Variants in LIMCH1 observed in about 807,000 individuals in gnomAD.
LIMCH1 encodes the protein LIM and calponin homology domains 1.
A neutral mutation model predicts 176.5 loss-of-function variants in LIMCH1; 113 were observed. The observed-to-expected ratio is 0.64, with a 90% CI of 0.55 to 0.75. The LOEUF (loss-of-function observed/expected upper bound fraction) is 0.75, where lower values mean the gene tolerates loss of function less well. Among genes scored for constraint, LIMCH1 ranks in the 30% least tolerant of loss-of-function variants. The pLI, the probability that LIMCH1 is intolerant of heterozygous loss-of-function variation, is 0.00. For synonymous variants in LIMCH1, 619 were observed against 645.9 expected (o/e 0.96, Z 0.63); for missense variants, 1,674 against 1,814.9 (o/e 0.92, Z 1.41).
intron 31 of LIMCH1, among the ~76,000 whole-genome samples, chr4:41,696,687 C>T (rs941674826): frequency 1.3e-5 from 2 of 152,038 alleles, no homozygotes; most frequent in Non-Finnish European, 2.9e-5. Flanking sequence ...CTGGGTATTG[C>T]GTATTTATAC....
chr4:41,685,608 TATA>T (rs1720084456), intron 27 of LIMCH1, 99 bp from the exon 28 acceptor site: 14 of 1,395,710 alleles, frequency 1.0e-5, no homozygotes, highest in Non-Finnish European at 1.4e-5. Context: ...ATGAAATCGC[TATA>T]AAACCTCAAC....
chr4:41,662,277 T>C (rs2094650349), intron 19 of LIMCH1, among the ~76,000 whole-genome samples: 2 of 152,206 alleles, frequency 1.3e-5, no homozygotes, highest in African/African-American at 4.8e-5. Context: ...GGTAGTGACT[T>C]TTCCACCCCT....
chr4:41,504,712 C>T (rs2073919171), intron 2 of LIMCH1, among the ~76,000 whole-genome samples: 1 of 152,210 alleles, frequency 6.6e-6, no homozygotes, highest in Admixed American at 6.5e-5. Flanking sequence ...CCCTTATTCT[C>T]TGGTTTGCTT....
At chr4:41,657,008 G>A (rs2094483117) in intron 18 of LIMCH1, among the ~76,000 whole-genome samples, 1 of 152,016 alleles carries the variant, frequency 6.6e-6, no homozygotes, top group South Asian at 2.1e-4. Context: ...CAGATGCCAG[G>A]TAGGCTTTGG....
chr4:41,678,424 G>T (rs1442924956), intron 23 of LIMCH1, among the ~76,000 whole-genome samples: 1 of 152,088 alleles, frequency 6.6e-6, no homozygotes, highest in Non-Finnish European at 1.5e-5. Context: ...AAATCTGGGG[G>T]CTACTGGGAT....
chr4:41,400,842 A>T (rs568156563), intron 1 of LIMCH1, among the ~76,000 whole-genome samples: 2 of 152,298 alleles, frequency 1.3e-5, no homozygotes, highest in East Asian at 3.9e-4. Flanking sequence ...ATAGCCAAAT[A>T]TATTTAAGTG....
At chr4:41,683,101 G>C (rs926170214) in intron 26 of LIMCH1, among the ~76,000 whole-genome samples, 1 of 152,154 alleles carries the variant, frequency 6.6e-6, no homozygotes, top group Non-Finnish European at 1.5e-5. Flanking sequence ...AATGTGTCTG[G>C]AGTGATAGAA....
chr4:41,666,025 A>G (rs1323758557), intron 20 of LIMCH1, among the ~76,000 whole-genome samples: 2 of 152,248 alleles, frequency 1.3e-5, no homozygotes, highest in Non-Finnish European at 2.9e-5. Context: ...GTTGTTTATA[A>G]TAATGTTTCT....
At chr4:41,552,765 C>G (rs2080652889) in intron 1 of LIMCH1, among the ~76,000 whole-genome samples, 1 of 152,042 alleles carries the variant, frequency 6.6e-6, no homozygotes, top group Non-Finnish European at 1.5e-5. Flanking sequence ...CTGCTAGGCT[C>G]TGCATTTTAT....
intron 1 of LIMCH1, among the ~76,000 whole-genome samples, chr4:41,564,611 A>G (rs761381842): frequency 7.2e-5 from 11 of 152,316 alleles, no homozygotes; most frequent in African/African-American, 1.2e-4. Context: ...GAAACTTCCC[A>G]GGGACTTCCA....
chr4:41,372,163 C>T (rs984033145), intron 1 of LIMCH1, among the ~76,000 whole-genome samples: 4 of 152,194 alleles, frequency 2.6e-5, no homozygotes, highest in Admixed American at 6.5e-5. Flanking sequence ...GCAGCAGTCT[C>T]GGTCTTTCCT....
At chr4:41,571,620 G>T (rs1257263604) in intron 1 of LIMCH1, among the ~76,000 whole-genome samples, 1 of 152,094 alleles carries the variant, frequency 6.6e-6, no homozygotes. Context: ...TGTTCCACTG[G>T]GTGATCAACA....
chr4:41,604,754 T>G (rs1039276349), intron 3 of LIMCH1, among the ~76,000 whole-genome samples: 1 of 152,176 alleles, frequency 6.6e-6, no homozygotes, highest in Admixed American at 6.5e-5. Context: ...TTTGAATCTC[T>G]GGAAATTTAT....
chr4:41,644,616 A>G lies in LIMCH1; in HGVS notation c.2243A>G (p.Lys748Arg). Residue 748 changes from lysine (K) to arginine (R), a missense_variant, in exon 15 of 32, where the codon AAA becomes AGA. Around this residue, in one of 3 missense-constraint regions of LIMCH1, gnomAD observed 1,015 missense variants for 1,102.5 expected, o/e 0.92. Coordinates refer to ENST00000503057, the MANE Select transcript of LIMCH1 (RefSeq NM_001330672.2). ...INNQLREEDD[K>R]WQDDLARWKS... The stretch of plus-strand genomic sequence containing the variant: ...AACCAGCTGAGGGAAGAGGACGACA[A>G]ATGGCAAGATGTGAGTTGTGGCCAA... 6.2e-7 allele frequency: 1 copy of G among 1,611,522 alleles called. No homozygotes were observed. The highest frequency in any genetic ancestry group is 1.1e-5 in the South Asian group (1 of 90,540).
At chr4:41,636,293 A>G (rs1383478704) in intron 13 of LIMCH1, among the ~76,000 whole-genome samples, 1 of 144,550 alleles carries the variant, frequency 6.9e-6, no homozygotes, top group Non-Finnish European at 1.5e-5. Context: ...TTTTTACCTC[A>G]TAACCTATTG....
chr4:41,397,818 A>T (rs557898183), intron 1 of LIMCH1, among the ~76,000 whole-genome samples: 14 of 152,262 alleles, frequency 9.2e-5, no homozygotes, highest in African/African-American at 3.4e-4. Flanking sequence ...TGACATATGT[A>T]TTGACATTTA....
At chr4:41,404,428 C>CA (rs2154119500) in intron 1 of LIMCH1, among the ~76,000 whole-genome samples, 1 of 152,226 alleles carries the variant, frequency 6.6e-6, no homozygotes, top group African/African-American at 2.4e-5. Context: ...AAGGTGGGGG[C>CA]AGTGCCAACC....
chr4:41,662,349 T>C (rs1026711345), intron 19 of LIMCH1, among the ~76,000 whole-genome samples: 1 of 152,214 alleles, frequency 6.6e-6, no homozygotes, highest in African/African-American at 2.4e-5. Context: ...TTGCATTATA[T>C]ACATATACCC....
At chr4:41,400,877 A>G (rs2154117271) in intron 1 of LIMCH1, among the ~76,000 whole-genome samples, 1 of 152,246 alleles carries the variant, frequency 6.6e-6, no homozygotes, top group African/African-American at 2.4e-5. Flanking sequence ...TTTTTGTTTT[A>G]TTAAAAAAGA....
Sources: allele counts gnomAD v4.1 joint callset (sites outside exome capture counted in the v4.1 genomes callset), GRCh38; gene constraint gnomAD v4.1.1; regional missense constraint gnomAD v4.1.1; transcripts MANE v1.5; gene names NCBI Gene and HGNC (gene_info 2026-07-23, HGNC 2026-07-21).